DNER: variants seen among roughly 807,000 people sequenced by gnomAD.
The protein encoded by DNER is delta and Notch-like epidermal growth factor-related receptor.
Under a neutral mutation model 78.2 loss-of-function variants are expected in DNER, and 33 were observed. The observed-to-expected ratio is 0.42, with a 90% CI of 0.32 to 0.56. The LOEUF (loss-of-function observed/expected upper bound fraction) is 0.56, where lower values mean the gene tolerates loss of function less well. DNER is among the 20% of genes least tolerant of loss of function. DNER has a pLI of 0.11. For synonymous variants in DNER, 417 were observed against 384.8 expected (o/e 1.08, Z -0.98); for missense variants, 918 against 975.3 (o/e 0.94, Z 0.78).
At chr2:229,398,548 T>G (rs1378933358) in intron 10 of DNER, among the ~76,000 whole-genome samples, 1 of 152,130 alleles carries the variant, frequency 6.6e-6, no homozygotes, top group African/African-American at 2.4e-5. Context: ...ATAATAACTT[T>G]TTTAAAAAGA....
chr2:229,510,739 C>T (rs1254142028), intron 6 of DNER, among the ~76,000 whole-genome samples: 2 of 152,042 alleles, frequency 1.3e-5, no homozygotes, highest in Non-Finnish European at 2.9e-5. Flanking sequence ...AATGGAGATG[C>T]CATGTAGGCT....
intron 8 of DNER, among the ~76,000 whole-genome samples, chr2:229,443,913 A>G (rs1307773553): frequency 6.6e-6 from 1 of 152,096 alleles, no homozygotes; most frequent in African/African-American, 2.4e-5. Context: ...TGCCTTTTTT[A>G]TTTTACACAG....
In DNER at chr2:229,528,862, G is replaced by A. The variant is rs1392299900; in HGVS notation, c.994-15926C>T. ...AGATTGTGTCGCTTAATTCCCTAGA[G>A]CCTCTGTTCCCATTGGATAATTCCA... On this transcript the variant is annotated intron_variant, in intron 5 of 12. Transcript: ENST00000341772. Among the ~76,000 whole-genome samples, 7 of 152,158 alleles carry A rather than the reference G, an allele frequency of 4.6e-5. No individual in the cohort carries two copies. In the South Asian group the frequency reaches 1.2e-3, roughly 27 times the overall value.
rs548704180 is a variant in DNER, at chr2:229,700,715, C to CTATCCTGG, written c.276+13425_276+13432dup. On this transcript the variant is annotated intron_variant, in intron 1 of 12. Coordinates refer to ENST00000341772, the MANE Select transcript of DNER (RefSeq NM_139072.4). Reference sequence around the variant, plus strand: ...AGATCATGAGGTCAGGAGATCGAGACTATCCTGGCTAACACGGTGAAACCC... The same window carrying CTATCCTGG: ...AGATCATGAGGTCAGGAGATCGAGACTATCCTGGTATCCTGGCTAACACGGTGAAACCC... 2.3e-3 allele frequency among the ~76,000 whole-genome samples: 346 copies of CTATCCTGG among 151,494 alleles called. 3 individuals carry two copies. The highest frequency in any genetic ancestry group is 4.5e-3 in the Admixed American group (68 of 15,224).
intron 1 of DNER, among the ~76,000 whole-genome samples, chr2:229,666,901 T>C (rs752765927): frequency 6.6e-6 from 1 of 152,108 alleles, no homozygotes; most frequent in Non-Finnish European, 1.5e-5. Flanking sequence ...CATCAGATGG[T>C]TCCAAATGGG....
chr2:229,614,869 A>G (rs1698123173), intron 1 of DNER, among the ~76,000 whole-genome samples: 1 of 152,222 alleles, frequency 6.6e-6, no homozygotes, highest in Non-Finnish European at 1.5e-5. Context: ...TTTACCTCCC[A>G]TTAACCAAGA....
rs548729067 is a variant in DNER, at chr2:229,364,289, G to A, written c.2102+2584C>T. Among the ~76,000 whole-genome samples, 53 of 152,152 alleles carry A rather than the reference G, an allele frequency of 3.5e-4. 1 individual carries two copies. Among genetic ancestry groups the A allele is most frequent in the African/African-American group, 1.2e-3 (49 of 41,522 alleles). ...TGAGTCTACCTCTCAAGCCGGTCAA[G>A]GCACCCTATTCCAACCCCTAACTGA... On this transcript the variant is annotated intron_variant, in intron 12 of 12. Transcript: ENST00000341772.
At chr2:229,492,505 C>T (rs1034496171) in intron 6 of DNER, among the ~76,000 whole-genome samples, 1 of 152,150 alleles carries the variant, frequency 6.6e-6, no homozygotes, top group African/African-American at 2.4e-5. Flanking sequence ...CTCTTTGACT[C>T]AAAGATGGGC....
Position 229,586,019 on chromosome 2 carries a change from C to A in DNER, c.686G>T (p.Arg229Leu), listed in dbSNP as rs1160032649. ...AATCAGTGAGGCAGTGGCATCTTGC[C>A]GAATCCTGGAAACAGGAATGATGTA... ...EVPQNTSVKIRQDATASLILL... is the reference protein window; with the variant it reads ...EVPQNTSVKILQDATASLILL... The change falls in exon 4 of 13, where the codon CGG (arginine) becomes CTG (leucine). Residue 229 changes from arginine (R) to leucine (L), a missense_variant. Coordinates refer to ENST00000341772, the MANE Select transcript of DNER (RefSeq NM_139072.4). 1 of 1,609,542 alleles carries A rather than the reference C, an allele frequency of 6.2e-7. No individual in the cohort carries two copies. Among genetic ancestry groups the A allele is most frequent in the Non-Finnish European group, 8.5e-7 (1 of 1,178,100 alleles).
intron 6 of DNER, among the ~76,000 whole-genome samples, chr2:229,504,532 T>C (rs4246638): frequency 0.4 from 60,517 of 152,198 alleles, 12,210 homozygotes; most frequent in Middle Eastern, 0.49. Context: ...GTAATATTCT[T>C]TAGAATAAAG....
chr2:229,530,530 G>A (rs1219859464), intron 5 of DNER, among the ~76,000 whole-genome samples: 2 of 152,198 alleles, frequency 1.3e-5, no homozygotes, highest in East Asian at 1.9e-4. Context: ...GCATGGAAAC[G>A]AACTACAGTC....
intron 5 of DNER, among the ~76,000 whole-genome samples, chr2:229,531,538 G>A (rs1696302226): frequency 6.6e-6 from 1 of 152,168 alleles, no homozygotes; most frequent in Non-Finnish European, 1.5e-5. Context: ...GGAGACATTA[G>A]AACACTCGCA....
At chr2:229,644,182 A>G (rs903602246) in intron 1 of DNER, among the ~76,000 whole-genome samples, 4 of 152,112 alleles carry the variant, frequency 2.6e-5, no homozygotes, top group African/African-American at 9.7e-5. Context: ...GTAGTTGTAT[A>G]TATTTATGAG....
At chr2:229,467,711 A>G (rs1165684485) in intron 7 of DNER, among the ~76,000 whole-genome samples, 1 of 152,250 alleles carries the variant, frequency 6.6e-6, no homozygotes, top group African/African-American at 2.4e-5. Context: ...TTATATTTCT[A>G]TCGTAAAGGA....
At chr2:229,546,811 AG>A in intron 5 of DNER, 135 bp downstream of exon 5, 1 of 1,260,318 alleles carries the variant, frequency 7.9e-7, no homozygotes, top group Non-Finnish European at 1.1e-6. Flanking sequence ...ATAGACAGAC[AG>A]ACAGACAGAC....
At chr2:229,408,608 T>A (rs951857372) in intron 9 of DNER, among the ~76,000 whole-genome samples, 1 of 152,216 alleles carries the variant, frequency 6.6e-6, no homozygotes, top group African/African-American at 2.4e-5. Context: ...ACTTAGCTCA[T>A]GTTGTGCAAG....
Position 229,625,140 on chromosome 2 carries a change from T to A in DNER, c.277-33252A>T, listed in dbSNP as rs575718400. Among the ~76,000 whole-genome samples the A allele has an allele frequency of 9.7e-4, 148 of 152,338 alleles. 1 individual carries two copies. Among genetic ancestry groups the A allele is most frequent in the African/African-American group, 3.3e-3 (139 of 41,578 alleles). On this transcript the variant is annotated intron_variant, in intron 1 of 12. Coordinates refer to ENST00000341772, the MANE Select transcript of DNER (RefSeq NM_139072.4). ...CCCTAAGCCCAAGGCTAAATAGAAA[T>A]TGCGATCAAATCAAGGAAAATCACA...
chr2:229,585,626 C>T (rs923024871), intron 4 of DNER, among the ~76,000 whole-genome samples: 2 of 151,190 alleles, frequency 1.3e-5, no homozygotes, highest in African/African-American at 4.9e-5. Flanking sequence ...CGCCAGTGCA[C>T]TCCAGCCTGG....
intron 6 of DNER, among the ~76,000 whole-genome samples, chr2:229,506,108 T>C (rs1695739201): frequency 6.6e-6 from 1 of 152,194 alleles, no homozygotes; most frequent in Non-Finnish European, 1.5e-5. Context: ...ATTAGTCTGT[T>C]CTCATGCTGC....
Sources: allele counts gnomAD v4.1 joint callset (sites outside exome capture counted in the v4.1 genomes callset), GRCh38; gene constraint gnomAD v4.1.1; transcripts MANE v1.5; gene names NCBI Gene and HGNC (gene_info 2026-07-23, HGNC 2026-07-21).